The following GAREM1 variants were observed in gnomAD, a reference collection of about 807,000 sequenced individuals.
GAREM1 encodes the protein GRB2 associated regulator of MAPK1 subtype 1.
GAREM1 carries 26 observed loss-of-function variants against 71.3 expected under a neutral mutation model. The ratio of observed to expected loss-of-function variants is 0.36; its 90% CI spans 0.27 to 0.51. The LOEUF (loss-of-function observed/expected upper bound fraction) is 0.51. GAREM1 is among the 20% of genes least tolerant of loss of function. The probability of loss-of-function intolerance (pLI) is 0.95; values close to 1 mark genes in which losing one functional copy is unlikely to be tolerated. For synonymous variants in GAREM1, 440 were observed against 433.2 expected (o/e 1.02, Z -0.20); for missense variants, 1,026 against 1,103.1 (o/e 0.93, Z 0.99).
chr18:32,285,321 G>C (rs985886686), intron 4 of GAREM1, among the ~76,000 whole-genome samples: 1 of 152,160 alleles, frequency 6.6e-6, no homozygotes, highest in Non-Finnish European at 1.5e-5. Flanking sequence ...CTGCAGCAAT[G>C]AGGGCTCTTT....
intron 2 of GAREM1, among the ~76,000 whole-genome samples, chr18:32,348,180 T>C (rs185002198): frequency 3.4e-4 from 52 of 152,282 alleles, no homozygotes; most frequent in African/African-American, 1.2e-3. Context: ...TCACAATGAT[T>C]TGAGTTTATG....
chr18:32,392,038 A>G (rs1416218513), intron 2 of GAREM1, among the ~76,000 whole-genome samples: 1 of 152,182 alleles, frequency 6.6e-6, no homozygotes, highest in Non-Finnish European at 1.5e-5. Context: ...TGCATTGTAA[A>G]GGGGTTATTC....
chr18:32,435,650 T>A (rs1428297620), intron 1 of GAREM1, among the ~76,000 whole-genome samples: 2 of 151,980 alleles, frequency 1.3e-5, no homozygotes, highest in African/African-American at 4.8e-5. Flanking sequence ...GAATAAAAAT[T>A]AGGGTTTTAG....
intron 1 of GAREM1, among the ~76,000 whole-genome samples, chr18:32,422,779 A>G (rs1465523379): frequency 6.6e-6 from 1 of 152,210 alleles, no homozygotes; most frequent in Admixed American, 6.5e-5. Flanking sequence ...GAGTTTTTTA[A>G]AGCAACAACT....
rs770957090 is a variant in GAREM1, at chr18:32,268,615, A to C, written c.1887T>G (p.His629Gln). 6.2e-7 allele frequency: 1 copy of C among 1,614,164 alleles called. No individual in the cohort carries two copies. Among genetic ancestry groups the C allele is most frequent in the Admixed American group, 1.7e-5 (1 of 60,020 alleles). ...AVSSRLSWPN[H>Q]YSGASESQTR... ...TCTGGCTTTCTGATGCTCCTGAATA[A>C]TGGTTAGGCCATGAGAGCCGAGAGG... Residue 629 changes from histidine (H) to glutamine (Q), a missense_variant, in exon 6 of 6, where the codon CAT becomes CAG. His to Gln is a conservative substitution (Grantham distance 24). Coordinates refer to ENST00000269209, the MANE Select transcript of GAREM1 (RefSeq NM_001242409.2).
chr18:32,432,856 C>G (rs1251287008), intron 1 of GAREM1, among the ~76,000 whole-genome samples: 1 of 151,956 alleles, frequency 6.6e-6, no homozygotes, highest in African/African-American at 2.4e-5. Flanking sequence ...CAAATTCTAC[C>G]AAACATTTAA....
chr18:32,452,957 T>C (rs968898336), intron 1 of GAREM1, among the ~76,000 whole-genome samples: 5 of 152,064 alleles, frequency 3.3e-5, no homozygotes, highest in Admixed American at 2.0e-4. Context: ...TGCTTGAGTA[T>C]GTGTCTTTAA....
chr18:32,401,938 C>A (rs2048319610), intron 1 of GAREM1, among the ~76,000 whole-genome samples: 1 of 152,044 alleles, frequency 6.6e-6, no homozygotes, highest in African/African-American at 2.4e-5. Flanking sequence ...ATTTTTAAAG[C>A]CATAAAGTAG....
chr18:32,357,679 A>G (rs1020096187), intron 2 of GAREM1, among the ~76,000 whole-genome samples: 3 of 152,222 alleles, frequency 2.0e-5, no homozygotes, highest in African/African-American at 7.2e-5. Flanking sequence ...AAACTGTTTT[A>G]TCCTTTATAA....
At chr18:32,286,666 A>G (rs1043206543) in intron 4 of GAREM1, among the ~76,000 whole-genome samples, 2 of 152,186 alleles carry the variant, frequency 1.3e-5, no homozygotes, top group South Asian at 4.1e-4. Context: ...TCTCTCTGCC[A>G]GCCACTACCA....
intron 2 of GAREM1, among the ~76,000 whole-genome samples, chr18:32,337,124 G>T (rs1209328574): frequency 6.6e-6 from 1 of 152,166 alleles, no homozygotes; most frequent in Non-Finnish European, 1.5e-5. Context: ...AAACCATACA[G>T]AATTAGACAT....
chr18:32,347,036 T>TC (rs776137382), intron 2 of GAREM1, among the ~76,000 whole-genome samples: 23 of 152,136 alleles, frequency 1.5e-4, no homozygotes, highest in Non-Finnish European at 3.2e-4. Flanking sequence ...ATATAAACTT[T>TC]CCCCAAGACA....
intron 1 of GAREM1, among the ~76,000 whole-genome samples, chr18:32,444,686 C>T (rs916608714): frequency 5.9e-5 from 9 of 152,100 alleles, no homozygotes; most frequent in Non-Finnish European, 1.2e-4. Flanking sequence ...CCCCAAACAC[C>T]CAACAATGCC....
intron 4 of GAREM1, among the ~76,000 whole-genome samples, chr18:32,282,040 G>A (rs539374743): frequency 9.3e-4 from 141 of 151,750 alleles, no homozygotes; most frequent in African/African-American, 3.1e-3. Context: ...ACTCCTGCCC[G>A]CCAGAGGACA....
chr18:32,281,770 C>G (rs1053197932), intron 4 of GAREM1, among the ~76,000 whole-genome samples: 8 of 152,066 alleles, frequency 5.3e-5, no homozygotes, highest in Admixed American at 5.2e-4. Flanking sequence ...GTCAGGAGAT[C>G]AAGACTGTCA....
In GAREM1 at chr18:32,470,199, G is replaced by A. The variant is rs2049037447; in HGVS notation, c.121+109C>T. 2.4e-6 allele frequency: 3 copies of A among 1,245,114 alleles called. No individual in the cohort carries two copies. The highest frequency in any genetic ancestry group is 4.0e-5 in the Admixed American group (1 of 24,694). 77.1% of individuals were successfully genotyped at this position (1,245,114 alleles called of 1,614,324 possible). A position where few individuals can be genotyped will look rare whatever the true frequency, so the allele number is the denominator to read the frequency against. ...GCTCGGGCCAACTCCGGCGCTCAGG[G>A]GCGGGCAGCCCACTCCCCGCGGGTC... On this transcript the variant is annotated intron_variant, in intron 1 of 5. Transcript: ENST00000269209. The surrounding 1 kb of genome is among the most constrained non-coding windows in gnomAD (Gnocchi z 4.4).
intron 1 of GAREM1, among the ~76,000 whole-genome samples, chr18:32,457,226 A>AGAGAGTGT (rs1555648709): frequency 2.6e-4 from 21 of 81,984 alleles, no homozygotes; most frequent in African/African-American, 8.3e-4. Context: ...AGAGAGAGAG[A>AGAGAGTGT]GTGTGTGTGT....
intron 2 of GAREM1, among the ~76,000 whole-genome samples, chr18:32,350,330 A>T (rs1486222836): frequency 2.6e-5 from 4 of 152,224 alleles, no homozygotes; most frequent in Non-Finnish European, 5.9e-5. Context: ...GTTCAACCTT[A>T]ATACAACTAC....
In GAREM1 at chr18:32,343,311, G is replaced by GTTTT. The variant is rs35086441; in HGVS notation, c.263-32992_263-32989dup. Among the ~76,000 whole-genome samples the GTTTT allele has an allele frequency of 3.0e-3, 360 of 118,856 alleles. 6 individuals are homozygous for GTTTT. Among genetic ancestry groups the GTTTT allele is most frequent in the African/African-American group, 0.012 (345 of 29,824 alleles). 78.0% of individuals were successfully genotyped at this position (118,856 alleles called of 152,430 possible). Reference sequence around the variant, plus strand: ...AGCTAAAAGAGTACTCTCCCCCACTGTTTTTTTTTTTTTTTTTTTTTGAGA... The same window carrying GTTTT: ...AGCTAAAAGAGTACTCTCCCCCACTGTTTTTTTTTTTTTTTTTTTTTTTTTGAGA... On this transcript the variant is annotated intron_variant, in intron 2 of 5. Coordinates refer to ENST00000269209, the MANE Select transcript of GAREM1 (RefSeq NM_001242409.2).
Sources: allele counts gnomAD v4.1 joint callset (sites outside exome capture counted in the v4.1 genomes callset), GRCh38; gene constraint gnomAD v4.1.1; non-coding constraint Gnocchi (gnomAD v3.1); transcripts MANE v1.5; gene names NCBI Gene and HGNC (gene_info 2026-07-23, HGNC 2026-07-21).